Variants in PMEPA1 observed in about 807,000 individuals in gnomAD.
PMEPA1 encodes the protein prostate transmembrane protein, androgen induced 1, also known as protein TMEPAI.
Under a neutral mutation model 23.0 loss-of-function variants are expected in PMEPA1, and 11 were observed. The observed-to-expected ratio is 0.48, with a 90% CI of 0.30 to 0.79. PMEPA1 has a LOEUF of 0.79. PMEPA1 is among the 30% of genes least tolerant of loss of function. The probability of loss-of-function intolerance (pLI) is 0.06; values close to 1 mark genes in which losing one functional copy is unlikely to be tolerated. For synonymous variants in PMEPA1, 204 were observed against 166.4 expected, an observed-to-expected ratio of 1.23 and a Z score of -1.74; for missense variants, 377 against 390.9, an observed-to-expected ratio of 0.96 and a Z score of 0.30.
Position 57,652,569 on chromosome 20 carries a change from G to C in PMEPA1, c.348C>G (p.Thr116=). ...EPQVYAPPRP[T]DRLAVPPFAQ... ...CGAAGGGCGGCACGGCCAGGCGGTC[G>C]GTGGGCCGAGGCGGGGCGTAGACCT... is the stretch of plus-strand genomic sequence containing the variant. Residue 116 remains threonine (T), a synonymous_variant, in exon 4 of 4, where the codon ACC becomes ACG. Coordinates refer to ENST00000341744, the MANE Select transcript of PMEPA1 (RefSeq NM_020182.5). This position sits in a 1 kb window ranked among gnomAD's most constrained non-coding sequence, Gnocchi z 6.1. 1 of 1,513,560 alleles carries C rather than the reference G, an allele frequency of 6.6e-7. No homozygotes were observed. Among genetic ancestry groups the C allele is most frequent in the South Asian group, 1.3e-5 (1 of 75,744 alleles). 93.8% of individuals were successfully genotyped at this position (1,513,560 alleles called of 1,614,324 possible).
At chr20:57,708,507 G>A (rs1568691245) in intron 1 of PMEPA1, among the ~76,000 whole-genome samples, 1 of 152,124 alleles carries the variant, frequency 6.6e-6, no homozygotes, top group Non-Finnish European at 1.5e-5. Flanking sequence ...CTGCGTTAGC[G>A]ACAAGGTTCA....
Position 57,654,863 on chromosome 20 carries a change from G to C in PMEPA1, c.265-1777C>G, listed in dbSNP as rs144533645. Among the ~76,000 whole-genome samples the C allele has an allele frequency of 2.3e-3, 351 of 152,094 alleles. 10 individuals carry two copies. Among genetic ancestry groups the C allele is most frequent in the East Asian group, 8.3e-3 (43 of 5,168 alleles). On this transcript the variant is annotated intron_variant, in intron 2 of 3. Transcript: ENST00000341744. ...CCGCTGGTCTTTGAGGTCCTTGAGGGGTCTCCCAGGGTCTCCTCCACTCTT... is the reference window on the plus strand; with the variant it reads ...CCGCTGGTCTTTGAGGTCCTTGAGGCGTCTCCCAGGGTCTCCTCCACTCTT...
chr20:57,700,123 G>C lies in PMEPA1; in HGVS notation c.109+9351C>G, dbSNP rs182094627. ...ACTGGCCCCTCCTGGAGACCTTAAG[G>C]ACCAGCAGAGACTCTTCCACTCCTG... On this transcript the variant is annotated intron_variant, in intron 1 of 3. Transcript: ENST00000341744. The C allele has an allele frequency of 3.2e-4, 151 of 471,486 alleles. 3 individuals are homozygous for C. The highest frequency in any genetic ancestry group is 3.0e-3 in the African/African-American group (149 of 50,192). 29.2% of individuals were successfully genotyped at this position (471,486 alleles called of 1,614,324 possible).
chr20:57,658,789 T>C (rs117466338), intron 2 of PMEPA1, among the ~76,000 whole-genome samples: 1,643 of 152,306 alleles, frequency 0.011, 19 homozygotes, highest in Non-Finnish European at 0.013. Context: ...CATGACCAGA[T>C]GTCAGCATAG....
chr20:57,692,397 C>T (rs946708209), intron 1 of PMEPA1, among the ~76,000 whole-genome samples: 1 of 152,258 alleles, frequency 6.6e-6, no homozygotes, highest in African/African-American at 2.4e-5. Context: ...GAGCAATGGT[C>T]TGTCAGGGCT....
chr20:57,705,659 C>T (rs992243881), intron 1 of PMEPA1, among the ~76,000 whole-genome samples: 1 of 152,212 alleles, frequency 6.6e-6, no homozygotes, highest in South Asian at 2.1e-4. Flanking sequence ...TTCACAGGGA[C>T]GAACGTCTGA....
intron 1 of PMEPA1, chr20:57,700,143 C>T: frequency 2.1e-6 from 1 of 471,542 alleles, no homozygotes; most frequent in Non-Finnish European, 4.4e-6. Context: ...GACTCTTCCA[C>T]TCCTGATGCT....
rs761414024 is a variant in PMEPA1, at chr20:57,652,491, G to A, written c.426C>T (p.His142=). Residue 142 remains histidine, a synonymous_variant, in exon 4 of 4, where the codon CAC becomes CAT. Coordinates refer to ENST00000341744, the MANE Select transcript of PMEPA1 (RefSeq NM_020182.5). The surrounding 1 kb of genome is among the most constrained non-coding windows in gnomAD (Gnocchi z 6.1). ...RFQPTYPYLQ[H]EIDLPPTISL... is the part of the protein sequence containing the mutation. ...AGATGGTGGGTGGCAGGTCGATCTC[G>A]TGCTGCAGGTACGGATAGGTGGGCT... The A allele has an allele frequency of 3.1e-6, 5 of 1,605,090 alleles. No individual in the cohort carries two copies. The highest frequency in any genetic ancestry group is 1.7e-5 in the Admixed American group (1 of 59,414).
chr20:57,679,439 T>A (rs1394873006), intron 1 of PMEPA1, among the ~76,000 whole-genome samples: 1 of 152,194 alleles, frequency 6.6e-6, no homozygotes, highest in African/African-American at 2.4e-5. Context: ...GATTCAGGTA[T>A]CATTTTCCAG....
At chr20:57,691,625 T>C (rs1398801948) in intron 1 of PMEPA1, among the ~76,000 whole-genome samples, 2 of 152,154 alleles carry the variant, frequency 1.3e-5, no homozygotes, top group African/African-American at 4.8e-5. Context: ...AAGAAAATCA[T>C]TACTCTGCTG....
Position 57,653,106 on chromosome 20 carries a change from C to G in PMEPA1, c.265-20G>C, listed in dbSNP as rs919896910. 4 of 1,568,094 alleles carry G rather than the reference C, an allele frequency of 2.6e-6. No homozygotes were observed. In the African/African-American group the frequency reaches 5.4e-5, roughly 21 times the overall value. ...TCCTTCCTGCACAGGAAGAAACGTA[C>G]AAGCAGGGTCAGTGGGGTGGGCAGG... On this transcript the variant is annotated intron_variant, in intron 2 of 3. Transcript: ENST00000341744.
chr20:57,690,402 G>T, intron 1 of PMEPA1: 2 of 1,297,560 alleles, frequency 1.5e-6, no homozygotes, highest in South Asian at 2.5e-5. Context: ...ACCTCCATGT[G>T]CTGGAATTGC....
At chr20:57,710,466 C>G (rs374696773), upstream of PMEPA1, 5 of 1,608,076 alleles carry the variant, frequency 3.1e-6, no homozygotes, top group African/African-American at 6.7e-5. Flanking sequence ...TCACCCATTG[C>G]CTGGTTTCGC....
At chr20:57,710,746 T>A, upstream of PMEPA1, 1 of 429,536 alleles carries the variant, frequency 2.3e-6, no homozygotes, top group Non-Finnish European at 4.1e-6. Flanking sequence ...AAAAGGGGTA[T>A]GAGCAGGAGG....
At chr20:57,694,972 A>G (rs2071927131) in intron 1 of PMEPA1, among the ~76,000 whole-genome samples, 1 of 152,184 alleles carries the variant, frequency 6.6e-6, no homozygotes, top group Middle Eastern at 3.2e-3. Context: ...AGAGCATGCT[A>G]GAGTCAAGGG....
At chr20:57,677,953 GC>G (rs2071660724) in intron 1 of PMEPA1, among the ~76,000 whole-genome samples, 1 of 152,306 alleles carries the variant, frequency 6.6e-6, no homozygotes, top group South Asian at 2.1e-4. Context: ...ATTTCAAAAG[GC>G]TAGATAGTGT....
intron 1 of PMEPA1, among the ~76,000 whole-genome samples, chr20:57,672,594 C>T (rs1012196615): frequency 1.3e-5 from 2 of 152,194 alleles, no homozygotes; most frequent in Non-Finnish European, 2.9e-5. Flanking sequence ...GCCGCTAACC[C>T]GGGGTGGCTC....
chr20:57,676,544 C>T lies in PMEPA1; in HGVS notation c.110-16847G>A, dbSNP rs893766649. On this transcript the variant is annotated intron_variant, in intron 1 of 3. Coordinates refer to ENST00000341744, the MANE Select transcript of PMEPA1 (RefSeq NM_020182.5). Reference sequence around the variant, plus strand: ...TCAATTTATAGAATCACAACTGGTACGAAAAGAGGAAGAAAGAGAAATGGT... The same window carrying T: ...TCAATTTATAGAATCACAACTGGTATGAAAAGAGGAAGAAAGAGAAATGGT... 2.0e-5 allele frequency among the ~76,000 whole-genome samples: 3 copies of T among 152,088 alleles called. No homozygotes were observed. In the South Asian group the frequency reaches 6.2e-4, roughly 32 times the overall value.
chr20:57,708,106 C>A (rs1213888200), intron 1 of PMEPA1, among the ~76,000 whole-genome samples: 7 of 152,202 alleles, frequency 4.6e-5, no homozygotes, highest in Non-Finnish European at 8.8e-5. Flanking sequence ...TTATTTTTAC[C>A]ACTTGAAGCT....
Sources: gnomAD v4.1 joint callset for allele counts (sites outside exome capture counted in the v4.1 genomes callset) on GRCh38, gnomAD v4.1.1 for gene constraint, Gnocchi (gnomAD v3.1) non-coding constraint, MANE v1.5 for transcripts, NCBI Gene and HGNC (gene_info 2026-07-23, HGNC 2026-07-21) for gene names.